The following SLCO2B1 variants were observed in gnomAD, a reference collection of about 807,000 sequenced individuals.
The protein encoded by SLCO2B1 is solute carrier organic anion transporter family member 2B1.
In SLCO2B1, 41 loss-of-function variants were observed where a neutral mutation model predicts 67.3. The ratio of observed to expected loss-of-function variants is 0.61; its 90% CI spans 0.47 to 0.79. SLCO2B1 has a LOEUF of 0.79. Among genes scored for constraint, SLCO2B1 ranks in the 30% least tolerant of loss-of-function variants. The pLI is 0.00. For missense variants in SLCO2B1, 837 were observed against 920.1 expected (o/e 0.91, Z 1.17); for synonymous variants, 379 against 381.4 (o/e 0.99, Z 0.07).
At chr11:75,203,593 C>T (rs1003717298) in intron 13 of SLCO2B1, 166 bp downstream of exon 13, 5 of 792,858 alleles carry the variant, frequency 6.3e-6, no homozygotes, top group African/African-American at 5.2e-5. Flanking sequence ...CTAAACACTG[C>T]CCCCCTCCTT....
At chr11:75,173,390 G>C (rs1187980135) in intron 7 of SLCO2B1, among the ~76,000 whole-genome samples, 2 of 152,196 alleles carry the variant, frequency 1.3e-5, no homozygotes, top group Non-Finnish European at 2.9e-5. Flanking sequence ...AAATAAACCT[G>C]GCCCTTTCGG....
At chr11:75,165,201 G>T (rs1949872606) in intron 3 of SLCO2B1, among the ~76,000 whole-genome samples, 1 of 152,134 alleles carries the variant, frequency 6.6e-6, no homozygotes, top group African/African-American at 2.4e-5. Flanking sequence ...GGAGGCTGAG[G>T]TGGGTGGATC....
chr11:75,172,617 C>T (rs1232586076), intron 7 of SLCO2B1, 48 bp downstream of exon 7: 2 of 1,512,278 alleles, frequency 1.3e-6, no homozygotes, highest in East Asian at 2.3e-5. Flanking sequence ...CCAGCACCAC[C>T]CACTTGTTCT....
chr11:75,200,161 G>C, intron 10 of SLCO2B1, 63 bp from the exon 11 acceptor site: 1 of 1,525,040 alleles, frequency 6.6e-7, no homozygotes, highest in Non-Finnish European at 8.9e-7. Flanking sequence ...CCCGCTGCAA[G>C]CCCTTGGCCA....
intron 10 of SLCO2B1, among the ~76,000 whole-genome samples, chr11:75,197,921 G>A (rs556762677): frequency 6.6e-6 from 1 of 152,336 alleles, no homozygotes; most frequent in East Asian, 1.9e-4. Context: ...GGGGGACAAT[G>A]TCTGCCTTCT....
chr11:75,165,837 G>C lies in SLCO2B1; in HGVS notation c.336G>C (p.Val112=). The C allele has an allele frequency of 1.2e-6, 2 of 1,614,194 alleles. No homozygotes were observed. Among genetic ancestry groups the C allele is most frequent in the Non-Finnish European group, 1.7e-6 (2 of 1,180,020 alleles). ...TTGTGAGCTATTTTGGCAGCCGGGT[G>C]CACCGACCCCGAATGATTGGCTATG... ...IVFVSYFGSR[V]HRPRMIGYGA... The change falls in exon 4 of 14, where the codon GTG becomes GTC. Residue 112 remains valine (V), a synonymous_variant. Transcript: ENST00000289575.
chr11:75,200,031 G>A (rs1006158444), intron 10 of SLCO2B1, 193 bp from the exon 11 acceptor site: 3 of 551,616 alleles, frequency 5.4e-6, no homozygotes, highest in East Asian at 3.1e-5. Flanking sequence ...CTTGCACATA[G>A]ACAGCCCTTG....
At chr11:75,170,668 A>C (rs1489197341) in intron 6 of SLCO2B1, among the ~76,000 whole-genome samples, 1 of 152,156 alleles carries the variant, frequency 6.6e-6, no homozygotes, top group Non-Finnish European at 1.5e-5. Flanking sequence ...AAGCGCCTCC[A>C]GCCAGAACAG....
intron 12 of SLCO2B1, 109 bp from the exon 13 acceptor site, chr11:75,203,198 C>G: frequency 2.0e-6 from 3 of 1,474,858 alleles, no homozygotes; most frequent in African/African-American, 1.4e-5. Flanking sequence ...GAGGGCCAGA[C>G]AGCCAAGAGG....
At chr11:75,161,712 G>A (rs1184416505) in intron 1 of SLCO2B1, among the ~76,000 whole-genome samples, 1 of 152,212 alleles carries the variant, frequency 6.6e-6, no homozygotes, top group East Asian at 1.9e-4. Context: ...AGCCGCAGAA[G>A]GGGAGGAAGA....
chr11:75,188,308 C>A, intron 8 of SLCO2B1, 70 bp downstream of exon 8: 1 of 987,928 alleles, frequency 1.0e-6, no homozygotes, highest in Non-Finnish European at 1.6e-6. Flanking sequence ...AGGATCCAGT[C>A]CTTCCTGCTT....
At chr11:75,154,420 A>C (rs569928329) in intron 1 of SLCO2B1, among the ~76,000 whole-genome samples, 8 of 152,238 alleles carry the variant, frequency 5.3e-5, no homozygotes, top group African/African-American at 1.9e-4. Flanking sequence ...GAATTGCTTG[A>C]ACCTGGGAGG....
At chr11:75,172,257 A>G in intron 6 of SLCO2B1, 122 bp from the exon 7 acceptor site, 1 of 827,558 alleles carries the variant, frequency 1.2e-6, no homozygotes, top group Middle Eastern at 3.7e-4. Flanking sequence ...GCAGACTGGA[A>G]CTCAGGTCTC....
At chr11:75,198,211 T>C (rs1272565455) in intron 10 of SLCO2B1, among the ~76,000 whole-genome samples, 3 of 152,178 alleles carry the variant, frequency 2.0e-5, no homozygotes, top group Non-Finnish European at 1.5e-5. Flanking sequence ...GGTGGAGCAG[T>C]GAACTCCTGT....
chr11:75,172,647 C>T (rs1043716722), intron 7 of SLCO2B1, 78 bp downstream of exon 7: 185 of 1,347,216 alleles, frequency 1.4e-4, no homozygotes, highest in South Asian at 5.6e-4. Context: ...CATTACACTT[C>T]GGCTGGGCGT....
intron 7 of SLCO2B1, among the ~76,000 whole-genome samples, chr11:75,185,501 CTTTTTTT>C (rs11381669): frequency 2.8e-5 from 3 of 106,188 alleles, no homozygotes; most frequent in Non-Finnish European, 5.2e-5. Context: ...GTATAAGTCT[CTTTTTTT>C]TTTTTTTTTT....
intron 7 of SLCO2B1, among the ~76,000 whole-genome samples, chr11:75,182,681 G>A (rs1353906594): frequency 3.9e-5 from 6 of 152,032 alleles, no homozygotes; most frequent in Non-Finnish European, 8.8e-5. Flanking sequence ...GGCAGAGGTT[G>A]CAGTGAGCTG....
At chr11:75,154,546 G>A (rs1340421135) in intron 1 of SLCO2B1, among the ~76,000 whole-genome samples, 1 of 152,096 alleles carries the variant, frequency 6.6e-6, no homozygotes, top group Non-Finnish European at 1.5e-5. Context: ...AAGCTAGGAG[G>A]AGTTCTGTTA....
In SLCO2B1 at chr11:75,172,413, G is replaced by T; in HGVS notation, c.816G>T (p.Trp272Cys). Residue 272 changes from tryptophan (W) to cysteine (C), a missense_variant, in exon 7 of 14, where the codon TGG (tryptophan) becomes TGT (cysteine). Coordinates refer to ENST00000289575, the MANE Select transcript of SLCO2B1 (RefSeq NM_007256.5). ...GCCTGACCATAAAGGACCCCCGATGGGTGGGTGCCTGGTGGCTGGGTTTCC... is the reference window on the plus strand; with the variant it reads ...GCCTGACCATAAAGGACCCCCGATGTGTGGGTGCCTGGTGGCTGGGTTTCC... ...GISLTIKDPR[W>C]VGAWWLGFLI... 1 of 1,614,110 alleles carries T rather than the reference G, an allele frequency of 6.2e-7. No homozygotes were observed. Among genetic ancestry groups the T allele is most frequent in the Non-Finnish European group, 8.5e-7 (1 of 1,179,980 alleles).
Sources: gnomAD v4.1 joint callset for allele counts (sites outside exome capture counted in the v4.1 genomes callset) on GRCh38, gnomAD v4.1.1 for gene constraint, MANE v1.5 for transcripts, NCBI Gene and HGNC (gene_info 2026-07-23, HGNC 2026-07-21) for gene names.